FRMD6: variants seen among roughly 807,000 people sequenced by gnomAD.
The protein encoded by FRMD6 is FERM domain-containing protein 6.
A neutral mutation model predicts 73.2 loss-of-function variants in FRMD6; 37 were observed. The observed-to-expected ratio is 0.51, with a 90% CI of 0.39 to 0.66. The LOEUF is 0.66. Ranked by LOEUF, FRMD6 falls within the 30% of genes least tolerant of loss-of-function variation. The pLI, the probability that FRMD6 is intolerant of heterozygous loss-of-function variation, is 0.00. For synonymous variants in FRMD6, 273 were observed against 282.2 expected, an observed-to-expected ratio of 0.97 and a Z score of 0.33; for missense variants, 714 against 780.5, an observed-to-expected ratio of 0.91 and a Z score of 1.02.
intron 1 of FRMD6, among the ~76,000 whole-genome samples, chr14:51,687,717 A>G (rs1895266066): frequency 6.6e-6 from 1 of 152,214 alleles, no homozygotes; most frequent in Non-Finnish European, 1.5e-5. Context: ...TGTACCACCT[A>G]GTAACATTTT....
the FRMD6 span, among the ~76,000 whole-genome samples, chr14:51,455,917 G>A: frequency 1.3e-5 from 2 of 152,118 alleles, no homozygotes; most frequent in Admixed American, 1.3e-4. Context: ...AGTCTTCAGG[G>A]GTAAGATTAA....
rs113649426 is a variant in FRMD6, at chr14:51,633,366, C to T, written c.-146-56325C>T. On this transcript the variant is annotated intron_variant, in intron 2 of 14. Coordinates refer to the FRMD6 transcript ENST00000356218. The stretch of plus-strand genomic sequence containing the variant: ...CCTGTAGTCCCAGCACTTTGGGAGG[C>T]CCAGGTGGGCAAATCTCTTGAGCCC... Among the ~76,000 whole-genome samples the T allele has an allele frequency of 7.9e-3, 1,199 of 150,870 alleles. 18 individuals carry two copies. Among genetic ancestry groups the T allele is most frequent in the African/African-American group, 0.028 (1,145 of 41,130 alleles).
intron 1 of FRMD6, among the ~76,000 whole-genome samples, chr14:51,525,551 G>A (rs1489454770): frequency 6.6e-6 from 1 of 152,088 alleles, no homozygotes; most frequent in African/African-American, 2.4e-5. Context: ...CCAAAGTGCT[G>A]GGATTACAGG....
chr14:51,633,598 C>CAA (rs375453243), intron 2 of FRMD6, among the ~76,000 whole-genome samples: 78 of 45,432 alleles, frequency 1.7e-3, no homozygotes, highest in East Asian at 8.7e-3. Context: ...AAGACCCTGT[C>CAA]AAAAAAAAAA....
intron 2 of FRMD6, among the ~76,000 whole-genome samples, chr14:51,608,582 A>G (rs1479461131): frequency 2.0e-5 from 3 of 151,798 alleles, no homozygotes; most frequent in Non-Finnish European, 4.4e-5. Context: ...GCCCAGTCAC[A>G]CTTTCCCTGT....
intron 1 of FRMD6, among the ~76,000 whole-genome samples, chr14:51,516,592 C>G (rs1884651059): frequency 6.6e-6 from 1 of 152,100 alleles, no homozygotes; most frequent in African/African-American, 2.4e-5. Context: ...TATTCACAAC[C>G]CTTTAGAGCC....
the FRMD6 span, among the ~76,000 whole-genome samples, chr14:51,421,220 A>C: frequency 6.6e-6 from 1 of 152,222 alleles, no homozygotes; most frequent in African/African-American, 2.4e-5. Flanking sequence ...GACAGCACTT[A>C]AGCAAAAACT....
At chr14:51,569,854 C>T (rs555831132) in intron 1 of FRMD6, among the ~76,000 whole-genome samples, 23 of 150,610 alleles carry the variant, frequency 1.5e-4, no homozygotes, top group Admixed American at 1.1e-3. Context: ...CTGGCTCTGT[C>T]GCCCAGGCTG....
At chr14:51,574,058 C>G (rs1888280670) in intron 2 of FRMD6, among the ~76,000 whole-genome samples, 1 of 152,104 alleles carries the variant, frequency 6.6e-6, no homozygotes, top group Non-Finnish European at 1.5e-5. Flanking sequence ...AATTGCTAGC[C>G]ACAGGGTGAC....
At chr14:51,705,194 G>T (rs1896553042) in intron 6 of FRMD6, among the ~76,000 whole-genome samples, 1 of 152,092 alleles carries the variant, frequency 6.6e-6, no homozygotes, top group Admixed American at 6.6e-5. Context: ...CCTCCTTTCA[G>T]CATTGACATG....
chr14:51,588,824 C>T (rs1459883215), intron 2 of FRMD6, among the ~76,000 whole-genome samples: 1 of 152,204 alleles, frequency 6.6e-6, no homozygotes, highest in African/African-American at 2.4e-5. Context: ...ACAAAACCCA[C>T]ACAGGGGACA....
intron 1 of FRMD6, among the ~76,000 whole-genome samples, chr14:51,508,710 A>C (rs1884121630): frequency 6.6e-6 from 1 of 152,198 alleles, no homozygotes; most frequent in Non-Finnish European, 1.5e-5. Flanking sequence ...CCCTCTCTTC[A>C]CAAAACAAAT....
intron 1 of FRMD6, among the ~76,000 whole-genome samples, chr14:51,500,458 C>G (rs1018133207): frequency 6.6e-6 from 1 of 151,916 alleles, no homozygotes; most frequent in Non-Finnish European, 1.5e-5. Flanking sequence ...ACCCTGGAAG[C>G]GGAGGTGGCA....
chr14:51,408,785 G>A, the FRMD6 span, among the ~76,000 whole-genome samples: 1 of 152,088 alleles, frequency 6.6e-6, no homozygotes, highest in Non-Finnish European at 1.5e-5. Context: ...TTTAATGGAA[G>A]CTTGTTTTCT....
chr14:51,524,230 T>C (rs944915830), intron 1 of FRMD6, among the ~76,000 whole-genome samples: 42 of 152,190 alleles, frequency 2.8e-4, no homozygotes, highest in African/African-American at 9.9e-4. Flanking sequence ...GGGTTTATTT[T>C]TCTGTGCCCC....
the FRMD6 span, among the ~76,000 whole-genome samples, chr14:51,405,092 C>A: frequency 5.4e-3 from 816 of 152,262 alleles, 6 homozygotes; most frequent in African/African-American, 0.019. Context: ...CATGTTTCCG[C>A]AAAAGACATG....
intron 2 of FRMD6, among the ~76,000 whole-genome samples, chr14:51,628,749 C>T (rs1399477266): frequency 1.6e-5 from 2 of 122,718 alleles, no homozygotes; most frequent in African/African-American, 3.1e-5. Flanking sequence ...TGCAGTGAGC[C>T]GAGATCATGC....
intron 1 of FRMD6, among the ~76,000 whole-genome samples, chr14:51,680,793 T>G (rs1230157346): frequency 4.6e-5 from 7 of 152,224 alleles, no homozygotes; most frequent in Non-Finnish European, 7.3e-5. Context: ...TTTACTAATC[T>G]GTTCCTGTCT....
intron 11 of FRMD6, among the ~76,000 whole-genome samples, 192 bp from the exon 12 acceptor site, chr14:51,721,757 A>AG (rs1897621775): frequency 6.5e-5 from 7 of 108,206 alleles, no homozygotes; most frequent in African/African-American, 1.8e-4. Flanking sequence ...GGAGGAAGGA[A>AG]GGAGGGAAGG....
Sources: gnomAD v4.1 joint callset for allele counts (sites outside exome capture counted in the v4.1 genomes callset) on GRCh38, gnomAD v4.1.1 for gene constraint, MANE v1.5 for transcripts, NCBI Gene and HGNC (gene_info 2026-07-23, HGNC 2026-07-21) for gene names.